The following S1PR2 variants were observed in gnomAD, a reference collection of about 807,000 sequenced individuals.
S1PR2 encodes sphingosine 1-phosphate receptor 2.
A neutral mutation model predicts 16.1 loss-of-function variants in S1PR2; 9 were observed. The ratio of observed to expected loss-of-function variants is 0.56; its 90% CI spans 0.34 to 0.98. S1PR2 has a LOEUF of 0.98. Among genes scored for constraint, S1PR2 ranks in the 50% least tolerant of loss-of-function variants. S1PR2 has a pLI of 0.02. For missense variants in S1PR2, 361 were observed against 488.4 expected, an observed-to-expected ratio of 0.74 and a Z score of 2.46; for synonymous variants, 224 against 233.9, an observed-to-expected ratio of 0.96 and a Z score of 0.38.
Position 10,222,426 on chromosome 19 carries a change from G to A in S1PR2, c.*1418C>T, listed in dbSNP as rs1320653223. On this transcript the variant is annotated 3_prime_UTR_variant, in exon 2 of 2. Transcript: ENST00000646641. ...GTGTGGAGCTGAGAATAGCTTGGGG[G>A]GTGGCTGTTTTTGAAAGGAGGGTGT... The A allele has an allele frequency of 2.6e-5, 4 of 152,256 alleles. No individual in the cohort carries two copies. The highest frequency in any genetic ancestry group is 5.9e-5 in the Non-Finnish European group (4 of 68,054). The allele number at this position is 152,256 out of a possible 1,614,324, so 9.4% of individuals were successfully genotyped here.
chr19:10,224,363 A>G lies in S1PR2; in HGVS notation c.543T>C (p.Thr181=). The change falls in exon 2 of 2, where the codon ACT becomes ACC. Residue 181 remains threonine, a synonymous_variant. Transcript: ENST00000646641. ...NCLGHLEACS[T]VLPLYAKHYV... is the part of the protein sequence containing the mutation. The stretch of plus-strand genomic sequence containing the variant: ...AATGCTTGGCGTAGAGAGGCAGGAC[A>G]GTGGAGCAGGCCTCGAGGTGGCCCA... 1 of 1,614,008 alleles carries G rather than the reference A, an allele frequency of 6.2e-7. No homozygotes were observed.
At chr19:10,226,723 A>G (rs1261741775) in intron 1 of S1PR2, among the ~76,000 whole-genome samples, 1 of 152,052 alleles carries the variant, frequency 6.6e-6, no homozygotes, top group East Asian at 1.9e-4. Flanking sequence ...CCTGGAACAA[A>G]CAGGGTGGAG....
intron 1 of S1PR2, 105 bp from the exon 2 acceptor site, chr19:10,225,052 C>A: frequency 1.6e-6 from 1 of 632,842 alleles, no homozygotes; most frequent in Admixed American, 2.9e-5. Context: ...CTCTGTTACT[C>A]TTCGAGGAAG....
At chr19:10,229,617 C>A (rs1477770232) in intron 1 of S1PR2, among the ~76,000 whole-genome samples, 2 of 152,088 alleles carry the variant, frequency 1.3e-5, no homozygotes, top group Admixed American at 6.6e-5. Flanking sequence ...ATGACTGTCT[C>A]CCCATCTTTC....
intron 1 of S1PR2, among the ~76,000 whole-genome samples, chr19:10,227,456 G>A (rs1465041310): frequency 1.3e-5 from 2 of 152,136 alleles, no homozygotes; most frequent in African/African-American, 2.4e-5. Context: ...GCACGTCCCC[G>A]GGGACTGCTG....
chr19:10,226,029 G>A (rs1352647397), intron 1 of S1PR2, among the ~76,000 whole-genome samples: 3 of 137,940 alleles, frequency 2.2e-5, no homozygotes, highest in African/African-American at 7.4e-5. Flanking sequence ...AATATAATGT[G>A]GACTTCCAGA....
chr19:10,223,845 C>T lies in S1PR2; in HGVS notation c.1061G>A (p.Ter354=). The T allele has an allele frequency of 6.5e-7, 1 of 1,530,108 alleles. No individual in the cohort carries two copies. The highest frequency in any genetic ancestry group is 1.3e-5 in the South Asian group (1 of 77,914). The allele number at this position is 1,530,108 out of a possible 1,614,324, so 94.8% of individuals were successfully genotyped here. A position where few individuals can be genotyped will look rare whatever the true frequency, so the allele number is the denominator to read the frequency against. The change falls in exon 2 of 2, where the codon TGA becomes TAA. Residue 354 remains the stop codon, a stop_retained_variant. Transcript: ENST00000646641. Reference sequence around the variant, plus strand: ...CTGGTTGTTGGTCCACCCCCACCCTCAGACCACCGTGTTGCCCTCCAGAAA... The same window carrying T: ...CTGGTTGTTGGTCCACCCCCACCCTTAGACCACCGTGTTGCCCTCCAGAAA... ...PTFLEGNTVV[*]
Position 10,223,814 on chromosome 19 carries a change from C to T in S1PR2, c.*30G>A. The T allele has an allele frequency of 1.3e-6, 2 of 1,517,662 alleles. No homozygotes were observed. The highest frequency in any genetic ancestry group is 1.3e-5 in the South Asian group (1 of 76,066). 94.0% of individuals were successfully genotyped at this position (1,517,662 alleles called of 1,614,324 possible). A position where few individuals can be genotyped will look rare whatever the true frequency, so the allele number is the denominator to read the frequency against. On this transcript the variant is annotated 3_prime_UTR_variant, in exon 2 of 2. Coordinates refer to ENST00000646641, the MANE Select transcript of S1PR2 (RefSeq NM_004230.4). ...GTGGCCTCTCCATGAACCCCTCTGCCCTGGCCTGGTTGTTGGTCCACCCCC... is the reference window on the plus strand; with the variant it reads ...GTGGCCTCTCCATGAACCCCTCTGCTCTGGCCTGGTTGTTGGTCCACCCCC...
At chr19:10,226,323 C>A (rs1383749814) in intron 1 of S1PR2, among the ~76,000 whole-genome samples, 1 of 152,196 alleles carries the variant, frequency 6.6e-6, no homozygotes, top group African/African-American at 2.4e-5. Context: ...TTCAAGGACA[C>A]AGACCTTGAA....
chr19:10,224,936 GGGCTTTCA>G lies in S1PR2; in HGVS notation c.-39_-32del, dbSNP rs2039623044. On this transcript the variant is annotated 5_prime_UTR_variant, in exon 2 of 2. Transcript: ENST00000646641. ...GGCTCAGAGGCCTGCTGGGGCCATGGGGCTTTCAGAACTGCAGAGAAGACAGACAGACA... is the reference window on the plus strand; with the variant it reads ...GGCTCAGAGGCCTGCTGGGGCCATGGGAACTGCAGAGAAGACAGACAGACA... The G allele has an allele frequency of 6.4e-7, 1 of 1,559,712 alleles. No individual in the cohort carries two copies. The highest frequency in any genetic ancestry group is 8.7e-7 in the Non-Finnish European group (1 of 1,148,192).
At chr19:10,229,296 T>A (rs931122776) in intron 1 of S1PR2, among the ~76,000 whole-genome samples, 98 of 129,686 alleles carry the variant, frequency 7.6e-4, no homozygotes, top group Admixed American at 1.3e-3. Flanking sequence ...AAAAAAAAAA[T>A]TTTTTTTTTT....
intron 1 of S1PR2, among the ~76,000 whole-genome samples, 195 bp downstream of exon 1, chr19:10,231,009 C>A (rs2039673651): frequency 6.6e-6 from 1 of 152,240 alleles, no homozygotes; most frequent in African/African-American, 2.4e-5. Context: ...GCACAGTCTG[C>A]GGGTTCGCGG....
rs2145440822 is a variant in S1PR2, at chr19:10,224,103, T to C, written c.803A>G (p.Tyr268Cys). 6.2e-7 allele frequency: 1 copy of C among 1,605,268 alleles called. No homozygotes were observed. Among genetic ancestry groups the C allele is most frequent in the Non-Finnish European group, 8.5e-7 (1 of 1,179,956 alleles). ...GACGGCGAAAAAGTAGTGGGCTTTG[T>C]AGAGGATCGGGCAGGAGTGGACGGG... ...ACPVHSCPIL[Y>C]KAHYFFAVST... is the part of the protein sequence containing the mutation. The change falls in exon 2 of 2, where the codon TAC becomes TGC. Residue 268 changes from tyrosine (Y) to cysteine (C), a missense_variant. Tyr to Cys is a radical substitution (Grantham distance 194, BLOSUM62 -2). Transcript: ENST00000646641.
chr19:10,229,284 T>TA (rs2039654635), intron 1 of S1PR2, among the ~76,000 whole-genome samples: 1 of 146,628 alleles, frequency 6.8e-6, no homozygotes, highest in African/African-American at 2.7e-5. Flanking sequence ...ACTCTTTTTC[T>TA]CAAAAAAAAA....
intron 1 of S1PR2, among the ~76,000 whole-genome samples, chr19:10,227,738 G>A (rs1218539833): frequency 6.6e-6 from 1 of 152,184 alleles, no homozygotes; most frequent in African/African-American, 2.4e-5. Context: ...CAGCCCTACC[G>A]ATGGGGTCCT....
rs2039615340 is a variant in S1PR2 at position 10,224,317 on chromosome 19, T to C, written c.589A>G (p.Ile197Val). Residue 197 changes from isoleucine (I) to valine (V), a missense_variant, in exon 2 of 2, where the codon ATC (isoleucine) becomes GTC (valine). Coordinates refer to ENST00000646641, the MANE Select transcript of S1PR2 (RefSeq NM_004230.4). Reference protein sequence around the residue: ...AKHYVLCVVTIFSIILLAIVA... With the variant: ...AKHYVLCVVTVFSIILLAIVA... Reference sequence around the variant, plus strand: ...ATGGCCAACAGGATGATGGAGAAGATGGTCACCACGCACAGCACATAATGC... The same window carrying C: ...ATGGCCAACAGGATGATGGAGAAGACGGTCACCACGCACAGCACATAATGC... 10 of 1,614,078 alleles carry C rather than the reference T, an allele frequency of 6.2e-6. No individual in the cohort carries two copies. Among genetic ancestry groups the C allele is most frequent in the Non-Finnish European group, 8.5e-6 (10 of 1,180,024 alleles).
At chr19:10,226,943 C>A (rs1462289372) in intron 1 of S1PR2, among the ~76,000 whole-genome samples, 2 of 147,280 alleles carry the variant, frequency 1.4e-5, no homozygotes, top group African/African-American at 4.9e-5. Context: ...CCCTCCCATC[C>A]CTCCCCTCCA....
Position 10,223,691 on chromosome 19 carries a change from C to T in S1PR2, c.*153G>A. On this transcript the variant is annotated 3_prime_UTR_variant, in exon 2 of 2. Transcript: ENST00000646641. Reference sequence around the variant, plus strand: ...GCTATGTGACTAGTCAGTGCCTTATCTGGCCTTTCCAGGTGTGAAATATTT... The same window carrying T: ...GCTATGTGACTAGTCAGTGCCTTATTTGGCCTTTCCAGGTGTGAAATATTT... 1.4e-6 allele frequency: 1 copy of T among 713,002 alleles called. No individual in the cohort carries two copies. Among genetic ancestry groups the T allele is most frequent in the Non-Finnish European group, 2.3e-6 (1 of 435,044 alleles). The allele number at this position is 713,002 out of a possible 1,614,324, so 44.2% of individuals were successfully genotyped here.
chr19:10,224,658 C>T lies in S1PR2; in HGVS notation c.248G>A (p.Gly83Asp). The T allele has an allele frequency of 6.2e-7, 1 of 1,614,090 alleles. No individual in the cohort carries two copies. Among genetic ancestry groups the T allele is most frequent in the Non-Finnish European group, 8.5e-7 (1 of 1,180,052 alleles). The change falls in exon 2 of 2, where the codon GGC (glycine) becomes GAC (aspartate). Residue 83 changes from glycine to aspartate, a missense_variant. Transcript: ENST00000646641. ...CAAGGTATTGGCTACGAAGGCCACG[C>T]CTGCCAGTAGATCGGAGGCGGCCAG... The part of the protein sequence containing the change: ...GNLAASDLLA[G>D]VAFVANTLLS...
Sources: gnomAD v4.1 joint callset for allele counts (sites outside exome capture counted in the v4.1 genomes callset) on GRCh38, gnomAD v4.1.1 for gene constraint, MANE v1.5 for transcripts, NCBI Gene and HGNC (gene_info 2026-07-23, HGNC 2026-07-21) for gene names.